KCNMA1: variants seen among roughly 807,000 people sequenced by gnomAD.
The protein encoded by KCNMA1 is Calcium-activated potassium channel subunit alpha-1.
Under a neutral mutation model 140.0 loss-of-function variants are expected in KCNMA1, and 29 were observed. The ratio of observed to expected loss-of-function variants is 0.21; its 90% CI spans 0.15 to 0.28. KCNMA1 has a LOEUF of 0.28. Ranked by LOEUF, KCNMA1 falls within the 10% of genes least tolerant of loss-of-function variation. The pLI, the probability that KCNMA1 is intolerant of heterozygous loss-of-function variation, is 1.00. For missense variants in KCNMA1, 880 were observed against 1,602.2 expected (o/e 0.55, Z 7.70); for synonymous variants, 612 against 611.9 (o/e 1.00, Z 0.00).
At chr10:77,221,172 C>A (rs578157229) in intron 3 of KCNMA1, among the ~76,000 whole-genome samples, 1 of 152,194 alleles carries the variant, frequency 6.6e-6, no homozygotes, top group Non-Finnish European at 1.5e-5. Flanking sequence ...TGTCTTCCAT[C>A]CAGTTCCTCT....
intron 7 of KCNMA1, 90 bp from the exon 8 acceptor site, chr10:77,110,433 G>A (rs2097293187): frequency 2.7e-6 from 3 of 1,123,602 alleles, no homozygotes. Flanking sequence ...ACTCTCGAAG[G>A]CCACTTGCTA....
intron 1 of KCNMA1, chr10:77,636,565 A>G: frequency 2.6e-6 from 4 of 1,536,134 alleles, no homozygotes; most frequent in Non-Finnish European, 3.5e-6. Flanking sequence ...GTTCCACTAG[A>G]GCACCTAAGG....
chr10:77,546,584 T>A (rs1410680091), intron 1 of KCNMA1, among the ~76,000 whole-genome samples: 1 of 152,212 alleles, frequency 6.6e-6, no homozygotes, highest in Admixed American at 6.5e-5. Flanking sequence ...TTATCCCCAA[T>A]ATTCCCAGAC....
chr10:77,215,906 CCTCTCT>C (rs144962422), intron 3 of KCNMA1, among the ~76,000 whole-genome samples: 1 of 139,010 alleles, frequency 7.2e-6, no homozygotes, highest in Non-Finnish European at 1.6e-5. Context: ...TCTCCTCTCT[CCTCTCT>C]CTCTCTCTCT....
At chr10:77,173,353 T>C (rs1293406674) in intron 5 of KCNMA1, among the ~76,000 whole-genome samples, 2 of 152,162 alleles carry the variant, frequency 1.3e-5, no homozygotes, top group Non-Finnish European at 2.9e-5. Context: ...AGCTCTACCA[T>C]TTACTCACTA....
chr10:76,920,270 G>A (rs1208188691), intron 23 of KCNMA1, among the ~76,000 whole-genome samples: 1 of 151,164 alleles, frequency 6.6e-6, no homozygotes, highest in African/African-American at 2.4e-5. Flanking sequence ...AAGAGAGGGG[G>A]AAGGCTGAAC....
At chr10:77,384,841 C>G (rs182343393) in intron 2 of KCNMA1, among the ~76,000 whole-genome samples, 455 of 152,354 alleles carry the variant, frequency 3.0e-3, no homozygotes, top group African/African-American at 0.01. Flanking sequence ...CCCATTCATT[C>G]ATTCTTTCCT....
chr10:76,878,255 G>A (rs1263373039), intron 29 of KCNMA1, among the ~76,000 whole-genome samples: 1 of 152,158 alleles, frequency 6.6e-6, no homozygotes, highest in African/African-American at 2.4e-5. Flanking sequence ...ATTGGGTACA[G>A]ACATTGTGCC....
At chr10:77,527,374 T>C (rs1488154509) in intron 1 of KCNMA1, among the ~76,000 whole-genome samples, 2 of 152,332 alleles carry the variant, frequency 1.3e-5, no homozygotes, top group African/African-American at 2.4e-5. Flanking sequence ...GTTAATTCCC[T>C]AGCATGGAGT....
chr10:77,264,965 C>T (rs559434355), intron 2 of KCNMA1, among the ~76,000 whole-genome samples: 1 of 152,134 alleles, frequency 6.6e-6, no homozygotes, highest in South Asian at 2.1e-4. Context: ...TGAAGAATGC[C>T]CTTTTTTTCT....
At chr10:77,339,636 G>A (rs1396746423) in intron 2 of KCNMA1, among the ~76,000 whole-genome samples, 1 of 152,210 alleles carries the variant, frequency 6.6e-6, no homozygotes, top group Non-Finnish European at 1.5e-5. Flanking sequence ...GAGGGTTACT[G>A]GTGGGTTTGG....
At chr10:77,451,723 G>A (rs1237531731) in intron 1 of KCNMA1, among the ~76,000 whole-genome samples, 1 of 152,136 alleles carries the variant, frequency 6.6e-6, no homozygotes, top group Non-Finnish European at 1.5e-5. Flanking sequence ...TGCCTCACCT[G>A]TTTTATGGGC....
chr10:77,327,776 C>A (rs1767456957), intron 2 of KCNMA1, among the ~76,000 whole-genome samples: 1 of 142,416 alleles, frequency 7.0e-6, no homozygotes, highest in Admixed American at 6.9e-5. Flanking sequence ...TAGTAAATAG[C>A]CCACTGCAAA....
intron 21 of KCNMA1, among the ~76,000 whole-genome samples, chr10:76,951,366 A>T (rs1239242123): frequency 6.6e-6 from 1 of 152,152 alleles, no homozygotes; most frequent in Non-Finnish European, 1.5e-5. Flanking sequence ...TGGAATTCCC[A>T]TGCATCCTTC....
At chr10:77,326,442 T>C (rs2084244159) in intron 2 of KCNMA1, among the ~76,000 whole-genome samples, 1 of 152,196 alleles carries the variant, frequency 6.6e-6, no homozygotes, top group Admixed American at 6.5e-5. Context: ...TGATGCAATA[T>C]AAATAAAGCA....
At chr10:77,355,025 G>A (rs925229440) in intron 2 of KCNMA1, 1 of 152,210 alleles carries the variant, frequency 6.6e-6, no homozygotes, top group African/African-American at 2.4e-5. Context: ...TATTGTGGGA[G>A]GGATTCCGTG....
At chr10:77,107,004 G>A (rs958988779) in intron 9 of KCNMA1, among the ~76,000 whole-genome samples, 1 of 152,118 alleles carries the variant, frequency 6.6e-6, no homozygotes, top group African/African-American at 2.4e-5. Context: ...GTGTCCTGTG[G>A]GTAGTTCAAG....
intron 15 of KCNMA1, among the ~76,000 whole-genome samples, chr10:77,029,829 A>T (rs902398203): frequency 1.1e-4 from 16 of 152,236 alleles, no homozygotes; most frequent in African/African-American, 3.9e-4. Context: ...ATTCAGTAAG[A>T]CTGCAGCTGA....
chr10:77,463,951 A>T (rs2097926535), intron 1 of KCNMA1, among the ~76,000 whole-genome samples: 1 of 152,172 alleles, frequency 6.6e-6, no homozygotes, highest in African/African-American at 2.4e-5. Flanking sequence ...TATTCCAAGT[A>T]AGCTCCAGAG....
Sources: allele counts gnomAD v4.1 joint callset (sites outside exome capture counted in the v4.1 genomes callset), GRCh38; gene constraint gnomAD v4.1.1; transcripts MANE v1.5; gene names NCBI Gene and HGNC (gene_info 2026-07-23, HGNC 2026-07-21).